The following SPOCK1 variants were observed in gnomAD, a reference collection of about 807,000 sequenced individuals.
The protein encoded by SPOCK1 is SPARC (osteonectin), cwcv and kazal like domains proteoglycan 1.
In SPOCK1, 23 loss-of-function variants were observed where a neutral mutation model predicts 55.3. The ratio of observed to expected loss-of-function variants is 0.42; its 90% CI spans 0.30 to 0.59. The LOEUF is 0.59. Ranked by LOEUF, SPOCK1 falls within the 20% of genes least tolerant of loss-of-function variation. The probability of loss-of-function intolerance (pLI) is 0.22; values close to 1 mark genes in which losing one functional copy is unlikely to be tolerated. For synonymous variants in SPOCK1, 226 were observed against 221.0 expected, an observed-to-expected ratio of 1.02 and a Z score of -0.20; for missense variants, 499 against 552.5, an observed-to-expected ratio of 0.90 and a Z score of 0.97.
intron 3 of SPOCK1, among the ~76,000 whole-genome samples, chr5:137,257,138 G>C (rs944493564): frequency 6.6e-6 from 1 of 152,132 alleles, no homozygotes; most frequent in Non-Finnish European, 1.5e-5. Flanking sequence ...TCCTGCTCTG[G>C]GTGTTTCAAG....
At chr5:137,197,920 C>T (rs1207024238) in intron 3 of SPOCK1, among the ~76,000 whole-genome samples, 1 of 152,186 alleles carries the variant, frequency 6.6e-6, no homozygotes, top group Admixed American at 6.5e-5. Flanking sequence ...GTAAATATTA[C>T]AATCATCCTC....
intron 2 of SPOCK1, among the ~76,000 whole-genome samples, chr5:137,343,172 G>C (rs759421734): frequency 2.6e-5 from 4 of 152,226 alleles, no homozygotes; most frequent in African/African-American, 7.2e-5. Context: ...GTCACAAAGG[G>C]GAGGTCTGGG....
At chr5:137,123,103 G>C (rs746621607) in intron 4 of SPOCK1, among the ~76,000 whole-genome samples, 1 of 152,162 alleles carries the variant, frequency 6.6e-6, no homozygotes, top group Non-Finnish European at 1.5e-5. Flanking sequence ...ATTAGTGGTG[G>C]GTCATTCACA....
intron 2 of SPOCK1, among the ~76,000 whole-genome samples, chr5:137,457,826 G>A (rs57109300): frequency 0.12 from 17,872 of 152,150 alleles, 1,343 homozygotes; most frequent in East Asian, 0.25. Context: ...TTTGTTCCTC[G>A]AACAAGGTAA....
Position 137,434,202 on chromosome 5 carries a change from G to C in SPOCK1, c.186+64171C>G, listed in dbSNP as rs541333218. 3.8e-3 allele frequency among the ~76,000 whole-genome samples: 572 copies of C among 152,290 alleles called. 5 individuals are homozygous for C. Among genetic ancestry groups the C allele is most frequent in the African/African-American group, 0.013 (548 of 41,560 alleles). On this transcript the variant is annotated intron_variant, in intron 2 of 10. Transcript: ENST00000394945. ...GCAGTTCGTGAACAGCCTCCAAATA[G>C]GCAGTGAGTAATGATCTATCTTTCT...
chr5:137,388,759 T>G (rs997827603), intron 2 of SPOCK1, among the ~76,000 whole-genome samples: 3 of 152,212 alleles, frequency 2.0e-5, no homozygotes, highest in African/African-American at 7.2e-5. Flanking sequence ...CAGATTCTGT[T>G]CTGCAAAACA....
intron 2 of SPOCK1, among the ~76,000 whole-genome samples, chr5:137,382,763 A>G (rs1220635127): frequency 5.9e-5 from 9 of 152,176 alleles, no homozygotes; most frequent in Non-Finnish European, 1.5e-5. Context: ...CCAATTTGAC[A>G]TGAGATTTCG....
At chr5:136,979,210 CTA>C in intron 10 of SPOCK1, 120 bp downstream of exon 10, 1 of 1,396,886 alleles carries the variant, frequency 7.2e-7, no homozygotes, top group Non-Finnish European at 9.7e-7. Flanking sequence ...TACTATGCCT[CTA>C]TTATAAACTT....
chr5:137,079,530 G>T (rs2127012740), intron 5 of SPOCK1, among the ~76,000 whole-genome samples: 1 of 37,694 alleles, frequency 2.7e-5, no homozygotes, highest in Non-Finnish European at 6.1e-5. Context: ...CATCCCATCT[G>T]ATTCCCCCCC....
intron 2 of SPOCK1, among the ~76,000 whole-genome samples, chr5:137,307,183 T>C (rs1757713789): frequency 6.6e-6 from 1 of 152,230 alleles, no homozygotes; most frequent in South Asian, 2.1e-4. Flanking sequence ...GAGATAAAGA[T>C]ACAATTATGT....
At chr5:137,221,467 A>G (rs1351044518) in intron 3 of SPOCK1, among the ~76,000 whole-genome samples, 1 of 152,208 alleles carries the variant, frequency 6.6e-6, no homozygotes, top group Non-Finnish European at 1.5e-5. Context: ...AAAAAATTCA[A>G]CAGATCTATA....
At chr5:137,483,706 T>G (rs979876197) in intron 2 of SPOCK1, among the ~76,000 whole-genome samples, 1 of 152,190 alleles carries the variant, frequency 6.6e-6, no homozygotes, top group Non-Finnish European at 1.5e-5. Context: ...GCAGCACCCA[T>G]GGCTTCTACT....
chr5:137,318,042 C>CA lies in SPOCK1; in HGVS notation c.187-50988dup, dbSNP rs1757913370. ...TTTCAAGCCACACAACATACACAAGCACAAATGAATTCACCAGACACCTGC... is the reference window on the plus strand; with the variant it reads ...TTTCAAGCCACACAACATACACAAGCAACAAATGAATTCACCAGACACCTGC... On this transcript the variant is annotated intron_variant, in intron 2 of 10. Transcript: ENST00000394945. Among the ~76,000 whole-genome samples, 8 of 152,304 alleles carry CA rather than the reference C, an allele frequency of 5.3e-5. No homozygotes were observed. The South Asian group carries it at 1.4e-3, about 28-fold the overall frequency.
chr5:137,151,328 T>C (rs181946129), intron 3 of SPOCK1, among the ~76,000 whole-genome samples: 10 of 152,256 alleles, frequency 6.6e-5, no homozygotes, highest in Admixed American at 5.9e-4. Flanking sequence ...AATGATCTAT[T>C]ATGGAATAGA....
At chr5:137,450,173 C>A (rs1389046233) in intron 2 of SPOCK1, among the ~76,000 whole-genome samples, 4 of 152,056 alleles carry the variant, frequency 2.6e-5, no homozygotes, top group Non-Finnish European at 5.9e-5. Flanking sequence ...GATTGAGGAC[C>A]TTTCTTCTCA....
At chr5:137,289,871 G>C (rs1276023262) in intron 2 of SPOCK1, among the ~76,000 whole-genome samples, 1 of 152,060 alleles carries the variant, frequency 6.6e-6, no homozygotes, top group Middle Eastern at 3.2e-3. Flanking sequence ...AGTATGAATA[G>C]GCACTTTACA....
intron 2 of SPOCK1, among the ~76,000 whole-genome samples, chr5:137,310,132 C>T (rs1349288752): frequency 6.6e-6 from 1 of 152,172 alleles, no homozygotes; most frequent in Non-Finnish European, 1.5e-5. Flanking sequence ...AGTTACTGAA[C>T]CTCTCTGAGC....
rs185134107 is a variant in SPOCK1 at position 137,192,163 on chromosome 5, G to A, written c.233-51469C>T. Among the ~76,000 whole-genome samples the A allele has an allele frequency of 5.8e-3, 857 of 148,958 alleles. 10 individuals carry two copies. Among genetic ancestry groups the A allele is most frequent in the African/African-American group, 0.02 (788 of 40,228 alleles). On this transcript the variant is annotated intron_variant, in intron 3 of 10. Transcript: ENST00000394945. ...TGAGGCAGGAGAATTGCTTGAACCCGGGAGGTGGAGGTTGAGCCGAGATCA... is the reference window on the plus strand; with the variant it reads ...TGAGGCAGGAGAATTGCTTGAACCCAGGAGGTGGAGGTTGAGCCGAGATCA...
intron 2 of SPOCK1, among the ~76,000 whole-genome samples, chr5:137,431,769 T>G (rs2149829064): frequency 6.6e-6 from 1 of 152,350 alleles, no homozygotes; most frequent in South Asian, 2.1e-4. Context: ...CTTCTCACTA[T>G]GTTATGATGC....
Sources: allele counts gnomAD v4.1 joint callset (sites outside exome capture counted in the v4.1 genomes callset), GRCh38; gene constraint gnomAD v4.1.1; transcripts MANE v1.5; gene names NCBI Gene and HGNC (gene_info 2026-07-23, HGNC 2026-07-21).